The following CDC14A variants were observed in gnomAD, a reference collection of about 807,000 sequenced individuals.
The protein encoded by CDC14A is cell division cycle 14A.
Under a neutral mutation model 74.4 loss-of-function variants are expected in CDC14A, and 53 were observed. That is an observed-to-expected ratio of 0.71 (90% CI 0.57 to 0.89). The LOEUF (loss-of-function observed/expected upper bound fraction) is 0.89, where lower values mean the gene tolerates loss of function less well. Ranked by LOEUF, CDC14A falls within the 40% of genes least tolerant of loss-of-function variation. CDC14A has a pLI of 0.00. For missense variants in CDC14A, 646 were observed against 713.7 expected, an observed-to-expected ratio of 0.91 and a Z score of 1.08; for synonymous variants, 247 against 258.4, an observed-to-expected ratio of 0.96 and a Z score of 0.43.
chr1:100,393,649 C>G (rs1225239976), intron 4 of CDC14A: 2 of 571,394 alleles, frequency 3.5e-6, no homozygotes, highest in Admixed American at 2.2e-5. Context: ...TAACCTTGAT[C>G]AAAATATGGA....
intron 3 of CDC14A, among the ~76,000 whole-genome samples, chr1:100,381,564 A>G (rs1280087155): frequency 6.6e-6 from 1 of 152,082 alleles, no homozygotes; most frequent in East Asian, 1.9e-4. Flanking sequence ...TGTACATTTT[A>G]TTCCAATCCC....
chr1:100,393,389 A>G, intron 4 of CDC14A: 3 of 856,172 alleles, frequency 3.5e-6, no homozygotes, highest in Non-Finnish European at 6.1e-6. Context: ...AATTGTTTAC[A>G]CATTCTTGCC....
intron 11 of CDC14A, among the ~76,000 whole-genome samples, chr1:100,489,985 G>T (rs564144210): frequency 6.6e-6 from 1 of 152,320 alleles, no homozygotes. Flanking sequence ...ATTTGTGAAT[G>T]TGTTCTTTAG....
intron 15 of CDC14A, among the ~76,000 whole-genome samples, chr1:100,509,902 A>G (rs1649574444): frequency 1.3e-5 from 2 of 152,320 alleles, no homozygotes; most frequent in East Asian, 1.9e-4. Flanking sequence ...TGAAGTCTCA[A>G]TTTGAAAGTG....
intron 2 of CDC14A, among the ~76,000 whole-genome samples, chr1:100,354,597 T>C (rs1194782153): frequency 6.6e-6 from 1 of 152,204 alleles, no homozygotes. Context: ...TAGTAAAACA[T>C]TAATTGAAGA....
intron 4 of CDC14A, among the ~76,000 whole-genome samples, chr1:100,416,643 T>G (rs1401853265): frequency 6.6e-6 from 1 of 152,120 alleles, no homozygotes; most frequent in Non-Finnish European, 1.5e-5. Flanking sequence ...AATAACAGTG[T>G]GGGTCCAGAT....
intron 15 of CDC14A, among the ~76,000 whole-genome samples, chr1:100,506,452 T>C (rs1250386688): frequency 6.6e-6 from 1 of 152,228 alleles, no homozygotes; most frequent in Non-Finnish European, 1.5e-5. Context: ...GAATGCTACT[T>C]GACAAAGCAT....
chr1:100,459,118 C>G (rs1299907791), intron 8 of CDC14A, among the ~76,000 whole-genome samples: 208 of 145,912 alleles, frequency 1.4e-3, no homozygotes, highest in African/African-American at 5.2e-3. Context: ...CACACACACA[C>G]ACACACACAG....
chr1:100,453,046 T>C (rs575566212), intron 7 of CDC14A, among the ~76,000 whole-genome samples: 1 of 152,294 alleles, frequency 6.6e-6, no homozygotes, highest in South Asian at 2.1e-4. Context: ...TGTAACTTCC[T>C]TATTAATTTT....
chr1:100,356,431 GA>G (rs1464513070), intron 2 of CDC14A, among the ~76,000 whole-genome samples: 2 of 152,034 alleles, frequency 1.3e-5, no homozygotes, highest in South Asian at 2.1e-4. Context: ...CAAGGTCACA[GA>G]AGTAAAAGTA....
At chr1:100,364,717 A>G (rs1216679226) in intron 2 of CDC14A, among the ~76,000 whole-genome samples, 1 of 152,202 alleles carries the variant, frequency 6.6e-6, no homozygotes, top group Non-Finnish European at 1.5e-5. Context: ...CTGCTTGAGA[A>G]TATTTCTGTG....
chr1:100,376,921 A>G (rs1199263052), intron 2 of CDC14A, among the ~76,000 whole-genome samples: 3 of 152,136 alleles, frequency 2.0e-5, no homozygotes, highest in Non-Finnish European at 4.4e-5. Flanking sequence ...AGTACAGGCC[A>G]TGTACTTGTT....
At chr1:100,404,660 C>G (rs1309191099) in intron 4 of CDC14A, among the ~76,000 whole-genome samples, 1 of 152,076 alleles carries the variant, frequency 6.6e-6, no homozygotes, top group Non-Finnish European at 1.5e-5. Context: ...GAAACCCCGT[C>G]TCTACTAAAA....
intron 4 of CDC14A, among the ~76,000 whole-genome samples, chr1:100,411,770 G>T (rs946671126): frequency 6.6e-6 from 1 of 152,182 alleles, no homozygotes; most frequent in Non-Finnish European, 1.5e-5. Flanking sequence ...TATGGTAATG[G>T]ACAAGAGAGA....
intron 15 of CDC14A, among the ~76,000 whole-genome samples, chr1:100,512,731 A>G (rs992913683): frequency 6.6e-6 from 1 of 152,174 alleles, no homozygotes; most frequent in African/African-American, 2.4e-5. Context: ...AATGAGCCCA[A>G]ATTGGCTTTT....
rs140849467 is a variant in CDC14A at position 100,484,404 on chromosome 1, A to G, written c.1090A>G (p.Ile364Val). The G allele has an allele frequency of 9.1e-4, 1,470 of 1,607,846 alleles. 7 individuals are homozygous for G. The highest frequency in any genetic ancestry group is 3.9e-3 in the South Asian group (347 of 89,800). The change falls in exon 11 of 16, where the codon ATT becomes GTT. Residue 364 changes from isoleucine (I) to valine (V), a missense_variant. Transcript: ENST00000336454. ...KILSGLDDMSIGGNLSKTQNM... is the reference protein window; with the variant it reads ...KILSGLDDMSVGGNLSKTQNM... ...TCTTTCTGGCCTAGATGATATGTCT[A>G]TTGGTGGAAATCTTTCAAAAACACA...
At chr1:100,482,989 A>G (rs559185191) in intron 10 of CDC14A, among the ~76,000 whole-genome samples, 1 of 152,048 alleles carries the variant, frequency 6.6e-6, no homozygotes, top group Non-Finnish European at 1.5e-5. Flanking sequence ...TATCCAATCT[A>G]TCATTGATGA....
At chr1:100,456,134 G>T (rs1006615015) in intron 8 of CDC14A, among the ~76,000 whole-genome samples, 3 of 152,190 alleles carry the variant, frequency 2.0e-5, no homozygotes, top group African/African-American at 7.2e-5. Flanking sequence ...TAGTTCCATT[G>T]TGACAACTAG....
intron 5 of CDC14A, 74 bp from the exon 6 acceptor site, chr1:100,439,858 A>C: frequency 9.8e-7 from 1 of 1,020,338 alleles, no homozygotes; most frequent in Non-Finnish European, 1.5e-6. Flanking sequence ...TCTCCAGCTG[A>C]CTTTGGTGTT....
Sources: allele counts gnomAD v4.1 joint callset (sites outside exome capture counted in the v4.1 genomes callset), GRCh38; gene constraint gnomAD v4.1.1; transcripts MANE v1.5; gene names NCBI Gene and HGNC (gene_info 2026-07-23, HGNC 2026-07-21).